The following DLGAP4 variants were observed in gnomAD, a reference collection of about 807,000 sequenced individuals.
DLGAP4 encodes the protein DLG associated protein 4, also known as disks large-associated protein 4.
DLGAP4 carries 18 observed loss-of-function variants against 86.9 expected under a neutral mutation model. That is an observed-to-expected ratio of 0.21 (90% CI 0.14 to 0.31). The LOEUF is 0.31. DLGAP4 is among the 10% of genes least tolerant of loss of function. The probability of loss-of-function intolerance (pLI) is 1.00; values close to 1 mark genes in which losing one functional copy is unlikely to be tolerated. For missense variants in DLGAP4, 1,085 were observed against 1,362.6 expected (o/e 0.80, Z 3.21); for synonymous variants, 548 against 574.3 (o/e 0.95, Z 0.65).
At chr20:36,406,397 CAAAAAAA>C (rs72014350) in intron 2 of DLGAP4, among the ~76,000 whole-genome samples, 1 of 110,142 alleles carries the variant, frequency 9.1e-6, no homozygotes, top group Non-Finnish European at 1.8e-5. Flanking sequence ...GACTCCACCT[CAAAAAAA>C]AAAAAAAAAA....
At position 36,442,795 on chromosome 20, in the gene DLGAP4, T is replaced by A. The variant is rs1194226982; in HGVS notation, c.1407+18T>A. The A allele has an allele frequency of 2.5e-6, 4 of 1,614,126 alleles. No homozygotes were observed. The highest frequency in any genetic ancestry group is 1.7e-5 in the Admixed American group (1 of 60,018). ...AGCAGCAGGTCAGTATGTTTGCCCT[T>A]CTCTTCCACCCCAATCCCAGAGTGT... On this transcript the variant is annotated intron_variant, in intron 6 of 12. Coordinates refer to ENST00000339266, the MANE Select transcript of DLGAP4 (RefSeq NM_001365621.2).
At position 36,373,545 on chromosome 20, in the gene DLGAP4, T is replaced by C. The variant is rs537073331; in HGVS notation, c.-73+6270T>C. 2.0e-5 allele frequency among the ~76,000 whole-genome samples: 3 copies of C among 152,182 alleles called. No individual in the cohort carries two copies. In the South Asian group the frequency reaches 6.2e-4, roughly 32 times the overall value. ...GGCCTGTGTACCATCCACCACCAGC[T>C]GGGGGTGGGGTCAATACCACTGGAA... On this transcript the variant is annotated intron_variant, in intron 2 of 12. Coordinates refer to ENST00000339266, the MANE Select transcript of DLGAP4 (RefSeq NM_001365621.2).
intron 7 of DLGAP4, chr20:36,461,393 G>T: frequency 1.1e-6 from 1 of 941,902 alleles, no homozygotes. Flanking sequence ...CTGACGACGC[G>T]CGCGCGGCTG....
At chr20:36,519,524 T>C (rs1569525636) in intron 10 of DLGAP4, among the ~76,000 whole-genome samples, 1 of 152,200 alleles carries the variant, frequency 6.6e-6, no homozygotes, top group Non-Finnish European at 1.5e-5. Context: ...TTTCTACCTT[T>C]TGGCTACTGT....
chr20:36,474,185 C>T (rs951949713), intron 7 of DLGAP4, among the ~76,000 whole-genome samples: 2 of 152,166 alleles, frequency 1.3e-5, no homozygotes, highest in Admixed American at 6.5e-5. Context: ...AAAAACTGTC[C>T]ATGTCCCATG....
At chr20:36,418,645 C>T (rs188514802) in intron 2 of DLGAP4, among the ~76,000 whole-genome samples, 426 of 152,210 alleles carry the variant, frequency 2.8e-3, no homozygotes, top group Admixed American at 4.1e-3. Context: ...CTGTCCCTAC[C>T]GAGCCCCCAC....
intron 1 of DLGAP4, among the ~76,000 whole-genome samples, chr20:36,330,782 C>A (rs1252265594): frequency 1.3e-5 from 2 of 152,114 alleles, no homozygotes; most frequent in Non-Finnish European, 2.9e-5. Context: ...CCGTGTTAGT[C>A]AAGATGGTCT....
intron 2 of DLGAP4, among the ~76,000 whole-genome samples, chr20:36,392,581 G>T (rs954250277): frequency 8.5e-6 from 1 of 118,114 alleles, no homozygotes; most frequent in East Asian, 5.4e-4. Flanking sequence ...TGTTGGTCAG[G>T]CTGCTCTCGA....
chr20:36,348,816 T>G (rs1268257372), intron 1 of DLGAP4, among the ~76,000 whole-genome samples: 2 of 150,526 alleles, frequency 1.3e-5, no homozygotes, highest in Non-Finnish European at 3.0e-5. Flanking sequence ...AAGAGTGATA[T>G]GGGGCCAGGC....
At chr20:36,358,839 G>A (rs2030422755) in intron 1 of DLGAP4, among the ~76,000 whole-genome samples, 1 of 152,158 alleles carries the variant, frequency 6.6e-6, no homozygotes, top group South Asian at 2.1e-4. Flanking sequence ...AAGTTAACTT[G>A]AAGGTGCTGG....
chr20:36,485,382 T>C (rs1043428237), intron 7 of DLGAP4, among the ~76,000 whole-genome samples: 11 of 151,888 alleles, frequency 7.2e-5, no homozygotes, highest in African/African-American at 2.2e-4. Flanking sequence ...GCTAGCTAAT[T>C]TGAAATGTAT....
intron 2 of DLGAP4, among the ~76,000 whole-genome samples, chr20:36,369,358 C>T (rs562427637): frequency 2.6e-5 from 4 of 152,034 alleles, no homozygotes; most frequent in East Asian, 3.9e-4. Context: ...TTTGGGAGGC[C>T]GAGGCAGGCG....
rs539180931 is a variant in DLGAP4, at chr20:36,520,745, T to C, written c.2513-3505T>C. On this transcript the variant is annotated intron_variant, in intron 10 of 12. Transcript: ENST00000339266. ...CCCTTCTTTATCTGCTTTTTTTTTT[T>C]CCCCTTCTTTCATTGCTTATGCTTT... Among the ~76,000 whole-genome samples, 286 of 152,126 alleles carry C rather than the reference T, an allele frequency of 1.9e-3. 1 individual carries two copies. The highest frequency in any genetic ancestry group is 0.017 in the Middle Eastern group (5 of 294).
At chr20:36,481,765 C>A (rs1473583735) in intron 7 of DLGAP4, among the ~76,000 whole-genome samples, 1 of 152,174 alleles carries the variant, frequency 6.6e-6, no homozygotes, top group Admixed American at 6.5e-5. Flanking sequence ...TCCAGTTTGA[C>A]GATATCCCTT....
chr20:36,363,926 C>T (rs1179382138), intron 1 of DLGAP4, among the ~76,000 whole-genome samples: 12 of 152,052 alleles, frequency 7.9e-5, no homozygotes, highest in Non-Finnish European at 1.2e-4. Flanking sequence ...GAGGAGAAGC[C>T]GAGGGAGCTC....
chr20:36,436,072 T>C, intron 3 of DLGAP4, 37 bp from the exon 4 acceptor site: 1 of 1,512,978 alleles, frequency 6.6e-7, no homozygotes, highest in South Asian at 1.3e-5. Flanking sequence ...GCTCATTTTC[T>C]GCGGTGGCCC....
chr20:36,357,615 C>G (rs1264818839), intron 1 of DLGAP4, among the ~76,000 whole-genome samples: 3 of 152,110 alleles, frequency 2.0e-5, no homozygotes, highest in African/African-American at 7.2e-5. Flanking sequence ...GCCCAAAGAC[C>G]CCAGGCAGGA....
At chr20:36,322,411 A>T (rs2065177798) in intron 1 of DLGAP4, among the ~76,000 whole-genome samples, 1 of 152,102 alleles carries the variant, frequency 6.6e-6, no homozygotes, top group Non-Finnish European at 1.5e-5. Context: ...GTGGCGCCAG[A>T]AGGTCTAGAT....
intron 7 of DLGAP4, among the ~76,000 whole-genome samples, chr20:36,494,367 T>C (rs1304816726): frequency 6.6e-6 from 1 of 152,218 alleles, no homozygotes; most frequent in African/African-American, 2.4e-5. Flanking sequence ...TGGAATCCAC[T>C]AGAAGGCCTT....
Sources: gnomAD v4.1 joint callset for allele counts (sites outside exome capture counted in the v4.1 genomes callset) on GRCh38, gnomAD v4.1.1 for gene constraint, MANE v1.5 for transcripts, NCBI Gene and HGNC (gene_info 2026-07-23, HGNC 2026-07-21) for gene names.